NUP43: variants seen among roughly 807,000 people sequenced by gnomAD.
NUP43 encodes nucleoporin 43.
A neutral mutation model predicts 47.3 loss-of-function variants in NUP43; 32 were observed. The observed-to-expected ratio is 0.68, with a 90% CI of 0.51 to 0.91. The LOEUF (loss-of-function observed/expected upper bound fraction) is 0.91. Ranked by LOEUF, NUP43 falls within the 40% of genes least tolerant of loss-of-function variation. The pLI is 0.00. For missense variants in NUP43, 444 were observed against 453.9 expected (o/e 0.98, Z 0.20); for synonymous variants, 147 against 158.4 (o/e 0.93, Z 0.54).
chr6:149,746,536 A>T, upstream of NUP43: 1 of 1,613,992 alleles, frequency 6.2e-7, no homozygotes, highest in South Asian at 1.1e-5. Flanking sequence ...AAGCAAGCAC[A>T]GTACGCGCCT....
intron 6 of NUP43, among the ~76,000 whole-genome samples, chr6:149,733,867 C>A (rs1471989424): frequency 6.6e-6 from 1 of 151,936 alleles, no homozygotes; most frequent in Admixed American, 6.6e-5. Context: ...TCTTGTTGCC[C>A]AGGCTGGAGT....
rs776060930 is a variant in NUP43 at position 149,746,519 on chromosome 6, C to T, written c.-24G>A. 3 of 1,614,150 alleles carry T rather than the reference C, an allele frequency of 1.9e-6. No individual in the cohort carries two copies. The highest frequency in any genetic ancestry group is 2.5e-6 in the Non-Finnish European group (3 of 1,180,006). On this transcript the variant is annotated 5_prime_UTR_variant, in exon 1 of 8. Transcript: ENST00000340413. ...ATGCCGAAAGCGGCCGCAGCAGGTACTGCAAAAAGCAAGCACAGTACGCGC... is the reference window on the plus strand; with the variant it reads ...ATGCCGAAAGCGGCCGCAGCAGGTATTGCAAAAAGCAAGCACAGTACGCGC...
intron 7 of NUP43, chr6:149,729,434 A>G (rs9478291): frequency 0.36 from 230,224 of 645,652 alleles, 43,368 homozygotes; most frequent in East Asian, 0.81. Flanking sequence ...GGAAGGCGGA[A>G]GGGAGAAGCA....
In NUP43 at chr6:149,725,931, A is replaced by G. The variant is rs1423595846; in HGVS notation, c.*1038T>C. ...GATTAATCACACTTTTATCTATCAC[A>G]TTTTTAGTTTGGAAATAGTTTGCTT... is the stretch of plus-strand genomic sequence containing the variant. On this transcript the variant is annotated 3_prime_UTR_variant, in exon 8 of 8. Coordinates refer to ENST00000340413, the MANE Select transcript of NUP43 (RefSeq NM_198887.3). 6.6e-6 allele frequency: 1 copy of G among 152,174 alleles called. No homozygotes were observed. Among genetic ancestry groups the G allele is most frequent in the African/African-American group, 2.4e-5 (1 of 41,432 alleles). 9.4% of individuals were successfully genotyped at this position (152,174 alleles called of 1,614,324 possible).
At chr6:149,746,205 G>T in intron 1 of NUP43, 143 bp from the exon 2 acceptor site, 1 of 1,302,388 alleles carries the variant, frequency 7.7e-7, no homozygotes, top group Non-Finnish European at 1.1e-6. Flanking sequence ...CGAGGCTCAG[G>T]CATGCCATCA....
At chr6:149,732,437 C>T (rs1172997614) in intron 6 of NUP43, among the ~76,000 whole-genome samples, 1 of 151,790 alleles carries the variant, frequency 6.6e-6, no homozygotes, top group East Asian at 1.9e-4. Context: ...ATCCCAGCTA[C>T]TCAGGAGGCT....
intron 4 of NUP43, among the ~76,000 whole-genome samples, chr6:149,740,955 C>T (rs749815065): frequency 6.6e-6 from 1 of 152,042 alleles, no homozygotes; most frequent in Non-Finnish European, 1.5e-5. Flanking sequence ...CTGGCCTATT[C>T]CCTTTGTCTA....
At position 149,726,648 on chromosome 6, in the gene NUP43, C is replaced by G; in HGVS notation, c.*321G>C. 3.0e-6 allele frequency: 1 copy of G among 331,002 alleles called. No homozygotes were observed. The highest frequency in any genetic ancestry group is 5.8e-6 in the Non-Finnish European group (1 of 173,308). The allele number at this position is 331,002 out of a possible 1,614,324, so 20.5% of individuals were successfully genotyped here. On this transcript the variant is annotated 3_prime_UTR_variant, in exon 8 of 8. Coordinates refer to ENST00000340413, the MANE Select transcript of NUP43 (RefSeq NM_198887.3). ...CATAACCACCATTGATGTGTTAATT[C>G]CCACAACATCAAAAATAAAGAATTA...
chr6:149,743,572 G>A lies in NUP43; in HGVS notation c.321+66C>T, dbSNP rs568903257. On this transcript the variant is annotated intron_variant, in intron 3 of 7. Transcript: ENST00000340413. ...ACTGCGCCACTGCACTCCAGTGCGC[G>A]GGCAACAAGAGCAAAACTCCATTTC... 1,441 of 1,002,930 alleles carry A rather than the reference G, an allele frequency of 1.4e-3. 12 individuals are homozygous for A. The Middle Eastern group carries it at 0.016, about 11-fold the overall frequency. 62.1% of individuals were successfully genotyped at this position (1,002,930 alleles called of 1,614,324 possible). A position where few individuals can be genotyped will look rare whatever the true frequency, so the allele number is the denominator to read the frequency against.
intron 6 of NUP43, among the ~76,000 whole-genome samples, chr6:149,735,944 G>C (rs530867216): frequency 6.8e-6 from 1 of 146,574 alleles, no homozygotes; most frequent in South Asian, 2.1e-4. Flanking sequence ...CTGCACTCCA[G>C]CCTGGGCGAC....
At chr6:149,746,323 G>A (rs191299059) in intron 1 of NUP43, 53 bp downstream of exon 1, 1 of 1,600,340 alleles carries the variant, frequency 6.2e-7, no homozygotes, top group Non-Finnish European at 8.5e-7. Context: ...CCAGGGGTCA[G>A]CTCAACCGGA....
upstream of NUP43, among the ~76,000 whole-genome samples, chr6:149,747,170 A>G (rs1219264983): frequency 3.9e-5 from 6 of 152,202 alleles, no homozygotes; most frequent in South Asian, 1.2e-3. Flanking sequence ...GGTTACACCT[A>G]TAATATTCTT....
At chr6:149,744,438 C>A (rs1785851541) in intron 2 of NUP43, among the ~76,000 whole-genome samples, 1 of 149,344 alleles carries the variant, frequency 6.7e-6, no homozygotes, top group South Asian at 2.1e-4. Flanking sequence ...GCAGAAGAAT[C>A]ACTTGAACCC....
At position 149,733,887 on chromosome 6, in the gene NUP43, C is replaced by T. The variant is rs146076065; in HGVS notation, c.791-2152G>A. Reference sequence around the variant, plus strand: ...TTGCCCAGGCTGGAGTGCAATGGTGCGATCTTGGCTCACCACAACCTCTGC... The same window carrying T: ...TTGCCCAGGCTGGAGTGCAATGGTGTGATCTTGGCTCACCACAACCTCTGC... On this transcript the variant is annotated intron_variant, in intron 6 of 7. Transcript: ENST00000340413. Among the ~76,000 whole-genome samples the T allele has an allele frequency of 7.4e-3, 1,116 of 151,762 alleles. 4 individuals are homozygous for T. The highest frequency in any genetic ancestry group is 0.011 in the Non-Finnish European group (735 of 67,960).
At chr6:149,739,261 A>G (rs372733909) in intron 4 of NUP43, among the ~76,000 whole-genome samples, 6 of 151,672 alleles carry the variant, frequency 4.0e-5, no homozygotes, top group African/African-American at 1.5e-4. Flanking sequence ...TACAGGCTTG[A>G]GCCACCACGC....
chr6:149,728,130 TTAC>T, intron 7 of NUP43: 1 of 985,382 alleles, frequency 1.0e-6, no homozygotes, highest in Non-Finnish European at 1.2e-6. Context: ...TACCATTAAT[TTAC>T]TACTTTATAA....
At chr6:149,734,702 G>A (rs1785228575) in intron 6 of NUP43, among the ~76,000 whole-genome samples, 1 of 149,798 alleles carries the variant, frequency 6.7e-6, no homozygotes, top group South Asian at 2.1e-4. Flanking sequence ...GGAGGCTGAG[G>A]CAGAAGAATG....
chr6:149,746,807 C>A, upstream of NUP43: 1 of 873,258 alleles, frequency 1.1e-6, no homozygotes, highest in African/African-American at 1.7e-5. Flanking sequence ...AGTGCAAAAA[C>A]AGAACAAAAA....
In NUP43 at chr6:149,727,168, C is replaced by T. The variant is rs746439274; in HGVS notation, c.944G>A (p.Ser315Asn). Reference sequence around the variant, plus strand: ...GTGAACATTAGCTTGGTTACTAATGCTATGAGACAAAAAAGTACTGCTTCT... The same window carrying T: ...GTGAACATTAGCTTGGTTACTAATGTTATGAGACAAAAAAGTACTGCTTCT... ...GGRSSTFLSH[S>N]ISNQANVHQS... Residue 315 changes from serine to asparagine, a missense_variant, in exon 8 of 8, where the codon AGC (serine) becomes AAC (asparagine). By Grantham distance (46) the Ser-to-Asn change is conservative. Coordinates refer to ENST00000340413, the MANE Select transcript of NUP43 (RefSeq NM_198887.3). The T allele has an allele frequency of 2.2e-5, 36 of 1,613,506 alleles. 1 individual carries two copies. The South Asian group carries it at 3.8e-4, about 17-fold the overall frequency.
Sources: gnomAD v4.1 joint callset for allele counts (sites outside exome capture counted in the v4.1 genomes callset) on GRCh38, gnomAD v4.1.1 for gene constraint, MANE v1.5 for transcripts, NCBI Gene and HGNC (gene_info 2026-07-23, HGNC 2026-07-21) for gene names.